Variants in TMEM169 observed in about 807,000 individuals in gnomAD.
TMEM169 encodes the protein transmembrane protein 169.
TMEM169 carries 18 observed loss-of-function variants against 27.3 expected under a neutral mutation model. The ratio of observed to expected loss-of-function variants is 0.66; its 90% CI spans 0.46 to 0.98. The LOEUF is 0.98. Among genes scored for constraint, TMEM169 ranks in the 50% least tolerant of loss-of-function variants. TMEM169 has a pLI of 0.00. For synonymous variants in TMEM169, 136 were observed against 142.1 expected, an observed-to-expected ratio of 0.96 and a Z score of 0.30; for missense variants, 320 against 368.6, an observed-to-expected ratio of 0.87 and a Z score of 1.08.
At position 216,089,994 on chromosome 2, in the gene TMEM169, AT is replaced by A. The variant is rs1306257185; in HGVS notation, c.-126-5843del. On this transcript the variant is annotated intron_variant, in intron 1 of 2. Transcript: ENST00000437356. ...ATGCTAATTTCCTGGCCTATTTCTC[AT>A]CTTTGCAAGTGACTTGCGCGTGTGC... Among the ~76,000 whole-genome samples the A allele has an allele frequency of 1.1e-4, 17 of 152,262 alleles. 1 individual carries two copies. Among genetic ancestry groups the A allele is most frequent in the Middle Eastern group, 3.4e-3 (1 of 294 alleles).
intron 1 of TMEM169, among the ~76,000 whole-genome samples, chr2:216,087,779 C>T (rs1696039691): frequency 6.6e-6 from 1 of 152,222 alleles, no homozygotes; most frequent in South Asian, 2.1e-4. Context: ...CAGCACTTGG[C>T]ACACAATAAA....
At chr2:216,085,601 T>G (rs1695976187) in intron 1 of TMEM169, among the ~76,000 whole-genome samples, 1 of 152,142 alleles carries the variant, frequency 6.6e-6, no homozygotes, top group East Asian at 1.9e-4. Flanking sequence ...CCGGGAGCAG[T>G]GGCTCACGCC....
intron 1 of TMEM169, among the ~76,000 whole-genome samples, chr2:216,090,619 A>G (rs948893557): frequency 1.3e-5 from 2 of 152,222 alleles, no homozygotes; most frequent in Non-Finnish European, 2.9e-5. Flanking sequence ...GAATACTAAA[A>G]GGTTCAGAAA....
chr2:216,096,179 AG>A lies in TMEM169; in HGVS notation c.217del (p.Asp73IlefsTer12). ...AGGAGCCCGGAGAATCAGAAGGTGG[AG>A]ATCAGCCTAAAGAGGAGGAGGGAGA... ...DEEPGESEGGDQPKEEEGDDF... is the reference protein window; with the variant it reads ...DEEPGESEGGXQPKEEEGDDF... On this transcript the variant is annotated frameshift_variant, in exon 2 of 3. Transcript: ENST00000437356. LOFTEE classifies it high-confidence loss of function. 6.2e-7 allele frequency: 1 copy of A among 1,614,206 alleles called. No individual in the cohort carries two copies. Among genetic ancestry groups the A allele is most frequent in the Non-Finnish European group, 8.5e-7 (1 of 1,180,032 alleles).
Position 216,100,362 on chromosome 2 carries a change from G to T in TMEM169, c.714G>T (p.Trp238Cys). The T allele has an allele frequency of 1.2e-6, 2 of 1,613,918 alleles. No homozygotes were observed. The highest frequency in any genetic ancestry group is 2.2e-5 in the South Asian group (2 of 91,070). Residue 238 changes from tryptophan (W) to cysteine (C), a missense_variant, in exon 3 of 3, where the codon TGG becomes TGT. Coordinates refer to ENST00000437356, the MANE Select transcript of TMEM169 (RefSeq NM_001142311.2). Reference sequence around the variant, plus strand: ...CTGTGGTCCAGCTCTCGTGGTCCTGGGAAGCATGGTGGCAAGCTGCCCGGG... The same window carrying T: ...CTGTGGTCCAGCTCTCGTGGTCCTGTGAAGCATGGTGGCAAGCTGCCCGGG... The part of the protein sequence containing the change: ...YAAVVQLSWS[W>C]EAWWQAARDM...
intron 1 of TMEM169, among the ~76,000 whole-genome samples, chr2:216,085,226 G>A (rs531881556): frequency 1.3e-5 from 2 of 152,114 alleles, no homozygotes; most frequent in South Asian, 4.1e-4. Flanking sequence ...CAGCACTTTG[G>A]GAGGTGAAAC....
In TMEM169 at chr2:216,099,805, C is replaced by G; in HGVS notation, c.272-115C>G. 5 of 1,388,650 alleles carry G rather than the reference C, an allele frequency of 3.6e-6. No individual in the cohort carries two copies. Among genetic ancestry groups the G allele is most frequent in the Non-Finnish European group, 4.9e-6 (5 of 1,022,668 alleles). 86.0% of individuals were successfully genotyped at this position (1,388,650 alleles called of 1,614,324 possible). Reference sequence around the variant, plus strand: ...ATTGAATCACTGACTCAGGACTGTGCCAGATGGTGTAAAAAAGGCTACTCT... The same window carrying G: ...ATTGAATCACTGACTCAGGACTGTGGCAGATGGTGTAAAAAAGGCTACTCT... On this transcript the variant is annotated intron_variant, in intron 2 of 2. Transcript: ENST00000437356. This position sits in a 1 kb window ranked among gnomAD's most constrained non-coding sequence, Gnocchi z 5.0.
chr2:216,100,299 C>T lies in TMEM169; in HGVS notation c.651C>T (p.Leu217=), dbSNP rs961986887. ...GCCTCGTTCTCTTCTATCCAGTGCTCATCATGGCCATGGCTTCTTCCCTCG... is the reference window on the plus strand; with the variant it reads ...GCCTCGTTCTCTTCTATCCAGTGCTTATCATGGCCATGGCTTCTTCCCTCG... The part of the protein sequence containing the change: ...CPCLVLFYPV[L]IMAMASSLGL... Residue 217 remains leucine, a synonymous_variant, in exon 3 of 3, where the codon CTC becomes CTT. Transcript: ENST00000437356. 9.9e-6 allele frequency: 16 copies of T among 1,613,880 alleles called. No individual in the cohort carries two copies. The highest frequency in any genetic ancestry group is 1.4e-5 in the Non-Finnish European group (16 of 1,179,988).
At position 216,096,166 on chromosome 2, in the gene TMEM169, A is replaced by T. The variant is rs756023565; in HGVS notation, c.203A>T (p.Glu68Val). ...GAGAAAACAGATGAGGAGCCCGGAG[A>T]ATCAGAAGGTGGAGATCAGCCTAAA... is the stretch of plus-strand genomic sequence containing the variant. Reference protein sequence around the residue: ...DNEKTDEEPGESEGGDQPKEE... With the variant: ...DNEKTDEEPGVSEGGDQPKEE... The change falls in exon 2 of 3, where the codon GAA becomes GTA. Residue 68 changes from glutamate to valine, a missense_variant. By Grantham distance (121) the Glu-to-Val change is moderately radical. Transcript: ENST00000437356. 18 of 1,614,074 alleles carry T rather than the reference A, an allele frequency of 1.1e-5. No homozygotes were observed. Among genetic ancestry groups the T allele is most frequent in the Admixed American group, 1.7e-5 (1 of 59,994 alleles).
At position 216,095,916 on chromosome 2, in the gene TMEM169, C is replaced by G. The variant is rs1696250833; in HGVS notation, c.-48C>G. ...GTGATGTGTGAACTGTGAGTTTACT[C>G]AAACAAGTCCAACTCTTTATAAGAC... On this transcript the variant is annotated 5_prime_UTR_variant, in exon 2 of 3. Transcript: ENST00000437356. 1.3e-6 allele frequency: 2 copies of G among 1,564,494 alleles called. No homozygotes were observed. Among genetic ancestry groups the G allele is most frequent in the Non-Finnish European group, 8.6e-7 (1 of 1,156,346 alleles).
At chr2:216,098,983 G>A (rs1228482978) in intron 2 of TMEM169, among the ~76,000 whole-genome samples, 2 of 146,098 alleles carry the variant, frequency 1.4e-5, no homozygotes, top group African/African-American at 5.1e-5. Context: ...ATGTGGGTGG[G>A]TATGTGTAGT....
intron 1 of TMEM169, among the ~76,000 whole-genome samples, chr2:216,089,763 T>C (rs1696084966): frequency 6.6e-6 from 1 of 152,160 alleles, no homozygotes. Flanking sequence ...CTTGACTTCT[T>C]CTAAATCTTG....
intron 1 of TMEM169, among the ~76,000 whole-genome samples, chr2:216,089,839 T>C (rs1039635191): frequency 3.3e-5 from 5 of 152,236 alleles, no homozygotes; most frequent in African/African-American, 2.4e-5. Context: ...CTCACTGCTA[T>C]ATTTAACGCA....
At chr2:216,089,902 G>A (rs902970978) in intron 1 of TMEM169, among the ~76,000 whole-genome samples, 2 of 152,216 alleles carry the variant, frequency 1.3e-5, no homozygotes, top group Non-Finnish European at 2.9e-5. Context: ...CAAGCTTGTT[G>A]AGAGATGCAA....
chr2:216,086,228 C>T (rs1321895680), intron 1 of TMEM169, among the ~76,000 whole-genome samples: 3 of 152,056 alleles, frequency 2.0e-5, no homozygotes, highest in Non-Finnish European at 4.4e-5. Context: ...CCATGCCTGG[C>T]TAATTTTTGT....
At chr2:216,089,305 T>C (rs1696075643) in intron 1 of TMEM169, among the ~76,000 whole-genome samples, 1 of 152,148 alleles carries the variant, frequency 6.6e-6, no homozygotes, top group East Asian at 1.9e-4. Context: ...TTCAAGACTG[T>C]TTCTCACCAA....
chr2:216,095,248 C>G (rs529105767), intron 1 of TMEM169, among the ~76,000 whole-genome samples: 1 of 152,008 alleles, frequency 6.6e-6, no homozygotes, highest in East Asian at 1.9e-4. Context: ...CCACTACAAC[C>G]AGCTAATTTT....
chr2:216,101,981 T>G lies in TMEM169; in HGVS notation c.*1439T>G, dbSNP rs925686173. On this transcript the variant is annotated 3_prime_UTR_variant, in exon 3 of 3. Coordinates refer to ENST00000437356, the MANE Select transcript of TMEM169 (RefSeq NM_001142311.2). ...TATGCTATACATCGATATTAGCACC[T>G]CACGTACTTTGCAATTAAGCTTCTG... The G allele has an allele frequency of 5.9e-5, 9 of 152,224 alleles. No individual in the cohort carries two copies. Among genetic ancestry groups the G allele is most frequent in the Non-Finnish European group, 1.0e-4 (7 of 68,040 alleles). 9.4% of individuals were successfully genotyped at this position (152,224 alleles called of 1,614,324 possible).
At chr2:216,098,792 G>A (rs1696319557) in intron 2 of TMEM169, among the ~76,000 whole-genome samples, 1 of 151,166 alleles carries the variant, frequency 6.6e-6, no homozygotes, top group South Asian at 2.1e-4. Context: ...CTGTTTGTGT[G>A]TGTCGTATGG....
Sources: gnomAD v4.1 joint callset for allele counts (sites outside exome capture counted in the v4.1 genomes callset) on GRCh38, gnomAD v4.1.1 for gene constraint, Gnocchi (gnomAD v3.1) non-coding constraint, MANE v1.5 for transcripts, NCBI Gene and HGNC (gene_info 2026-07-23, HGNC 2026-07-21) for gene names.